Variants in RTL4 observed in about 807,000 individuals in gnomAD.
RTL4 encodes the protein retrotransposon Gag-like protein 4.
Under a neutral mutation model 5.3 loss-of-function variants are expected in RTL4, and 4 were observed. The ratio of observed to expected loss-of-function variants is 0.75; its 90% CI spans 0.37 to 1.72. The LOEUF (loss-of-function observed/expected upper bound fraction) is 1.72. RTL4 is among the 40% of genes most tolerant of loss of function. The pLI, the probability that RTL4 is intolerant of heterozygous loss-of-function variation, is 0.04. For synonymous variants in RTL4, 98 were observed against 87.3 expected (o/e 1.12, Z -0.68); for missense variants, 260 against 227.1 (o/e 1.14, Z -0.93).
At chrX:112,243,104 C>T in the RTL4 span, among the ~76,000 whole-genome samples, 3 of 111,173 alleles carry the variant, frequency 2.7e-5, no homozygotes, top group African/African-American at 6.6e-5. Context: ...AGTATTTTAT[C>T]GAGGCTTTTC....
chrX:112,432,734 A>C, the RTL4 span, among the ~76,000 whole-genome samples: 1 of 101,429 alleles, frequency 9.9e-6, no homozygotes, highest in African/African-American at 3.6e-5. Context: ...TCTTTAGTTT[A>C]ATTAGATCCC....
At chrX:112,374,369 G>A in the RTL4 span, among the ~76,000 whole-genome samples, 1 of 111,167 alleles carries the variant, frequency 9.0e-6, no homozygotes, top group African/African-American at 3.3e-5. Context: ...TATCTTTATG[G>A]CAATACCACA....
chrX:112,127,400 C>T, the RTL4 span, among the ~76,000 whole-genome samples: 1 of 111,123 alleles, frequency 9.0e-6, no homozygotes, highest in Non-Finnish European at 1.9e-5. Flanking sequence ...AAAAAAATGC[C>T]CAGAAAGCTG....
the RTL4 span, among the ~76,000 whole-genome samples, chrX:112,102,756 A>G: frequency 7.1e-5 from 8 of 112,137 alleles, no homozygotes; most frequent in African/African-American, 2.3e-4. Flanking sequence ...CAACCCCATT[A>G]AAAAGTGGGC....
At chrX:112,332,158 TAA>T in the RTL4 span, among the ~76,000 whole-genome samples, 7 of 93,012 alleles carry the variant, frequency 7.5e-5, no homozygotes, top group African/African-American at 2.6e-4. Flanking sequence ...TAAAGTACAA[TAA>T]AAAAAAAAAA....
chrX:112,164,754 C>G, the RTL4 span, among the ~76,000 whole-genome samples: 1 of 112,200 alleles, frequency 8.9e-6, no homozygotes, highest in African/African-American at 3.2e-5. Context: ...TCCTGGCTTC[C>G]CATCTGTTTC....
the RTL4 span, among the ~76,000 whole-genome samples, chrX:112,399,984 T>A: frequency 2.7e-5 from 3 of 111,660 alleles, no homozygotes; most frequent in African/African-American, 6.5e-5. Context: ...TTTTATAATA[T>A]CTTCATTCCT....
the RTL4 span, among the ~76,000 whole-genome samples, chrX:112,088,423 G>T: frequency 2.7e-5 from 3 of 111,679 alleles, no homozygotes; most frequent in South Asian, 1.1e-3. Flanking sequence ...ATGTTCCATT[G>T]TATAGATATA....
chrX:112,445,274 T>C, the RTL4 span, among the ~76,000 whole-genome samples: 1 of 112,368 alleles, frequency 8.9e-6, no homozygotes, highest in Non-Finnish European at 1.9e-5. Context: ...CTTCTAACAA[T>C]AGTTCTTCCG....
chrX:112,261,037 A>T, the RTL4 span, among the ~76,000 whole-genome samples: 1 of 111,743 alleles, frequency 8.9e-6, no homozygotes, highest in Non-Finnish European at 1.9e-5. Flanking sequence ...CTCGACTTAA[A>T]TTAATTCATG....
the RTL4 span, among the ~76,000 whole-genome samples, chrX:112,282,235 G>A: frequency 8.9e-6 from 1 of 112,063 alleles, no homozygotes; most frequent in African/African-American, 3.2e-5. Flanking sequence ...ATTTATTGGA[G>A]AGACTGACCT....
the RTL4 span, among the ~76,000 whole-genome samples, chrX:112,412,940 ACATGTAAACTATC>A: frequency 0.034 from 3,769 of 111,824 alleles, 126 homozygotes; most frequent in African/African-American, 0.1. Context: ...AGGAGAAAAT[ACATGTAAACTATC>A]CATCTGACAA....
At chrX:112,169,987 T>C in the RTL4 span, among the ~76,000 whole-genome samples, 1 of 112,444 alleles carries the variant, frequency 8.9e-6, no homozygotes, top group Admixed American at 9.4e-5. Flanking sequence ...GGCTAGCCAG[T>C]TCTCCCAGCA....
chrX:112,306,979 T>A, the RTL4 span, among the ~76,000 whole-genome samples: 12 of 99,705 alleles, frequency 1.2e-4, no homozygotes, highest in African/African-American at 4.0e-4. Context: ...CAGCATCTGT[T>A]AGAAACCTTG....
At chrX:112,323,764 T>C in the RTL4 span, among the ~76,000 whole-genome samples, 1 of 112,065 alleles carries the variant, frequency 8.9e-6, no homozygotes, top group Non-Finnish European at 1.9e-5. Flanking sequence ...TGCTGAGATA[T>C]CAGGCATGAG....
At chrX:112,121,792 G>T in the RTL4 span, among the ~76,000 whole-genome samples, 7 of 111,463 alleles carry the variant, frequency 6.3e-5, no homozygotes, top group Non-Finnish European at 1.3e-4. Context: ...GCTAGGAAAA[G>T]AAACTTTAGG....
chrX:112,374,784 C>T, the RTL4 span, among the ~76,000 whole-genome samples: 1 of 111,642 alleles, frequency 9.0e-6, no homozygotes, highest in Non-Finnish European at 1.9e-5. Context: ...GGAACTCATT[C>T]GCCTAGGTGC....
At chrX:112,406,928 G>C in the RTL4 span, among the ~76,000 whole-genome samples, 2 of 107,959 alleles carry the variant, frequency 1.9e-5, no homozygotes, top group Non-Finnish European at 3.8e-5. Context: ...TCCTTGAAGG[G>C]AAGGACCCAG....
At chrX:112,167,437 C>T in the RTL4 span, among the ~76,000 whole-genome samples, 3 of 111,604 alleles carry the variant, frequency 2.7e-5, no homozygotes, top group African/African-American at 6.5e-5. Flanking sequence ...TCTAGAGGCA[C>T]AGGAAGCTAA....
Sources: gnomAD v4.1 joint callset for allele counts (sites outside exome capture counted in the v4.1 genomes callset) on GRCh38, gnomAD v4.1.1 for gene constraint, MANE v1.5 for transcripts, NCBI Gene and HGNC (gene_info 2026-07-23, HGNC 2026-07-21) for gene names.